Variants in TEX9 observed in about 807,000 individuals in gnomAD.
TEX9 encodes the protein testis-expressed protein 9.
TEX9 carries 74 observed loss-of-function variants against 59.6 expected under a neutral mutation model. That is an observed-to-expected ratio of 1.24 (90% confidence interval 1.03 to 1.51). The LOEUF (loss-of-function observed/expected upper bound fraction) is 1.51. Among genes scored for constraint, TEX9 ranks in the 40% most tolerant of loss-of-function variants. The pLI is 0.00. For synonymous variants in TEX9, 186 were observed against 152.2 expected (o/e 1.22, Z -1.64); for missense variants, 522 against 447.8 (o/e 1.17, Z -1.49).
At chr15:56,247,388 C>T (rs2043885288) in intron 1 of TEX9, among the ~76,000 whole-genome samples, 1 of 152,098 alleles carries the variant, frequency 6.6e-6, no homozygotes, top group Non-Finnish European at 1.5e-5. Context: ...AGGGATTGGT[C>T]TTGCTCAGGG....
At chr15:56,349,834 T>A (rs1480293631) in intron 1 of TEX9, among the ~76,000 whole-genome samples, 1 of 152,126 alleles carries the variant, frequency 6.6e-6, no homozygotes, top group African/African-American at 2.4e-5. Context: ...TGTCCAGATT[T>A]ATAGTTATCT....
intron 1 of TEX9, among the ~76,000 whole-genome samples, chr15:56,257,552 G>C (rs1233898321): frequency 6.6e-6 from 1 of 152,134 alleles, no homozygotes; most frequent in Non-Finnish European, 1.5e-5. Context: ...GTGATGTTGA[G>C]CTTTTTTTAT....
At chr15:56,280,678 A>G (rs2044794618) in intron 1 of TEX9, among the ~76,000 whole-genome samples, 1 of 152,230 alleles carries the variant, frequency 6.6e-6, no homozygotes. Context: ...AATCTCACAG[A>G]ATTGACTATA....
chr15:56,434,516 G>C, intron 12 of TEX9: 2 of 1,065,138 alleles, frequency 1.9e-6, no homozygotes, highest in Non-Finnish European at 2.6e-6. Context: ...AACTGAAAAA[G>C]TAAGGCTTTT....
At chr15:56,323,925 A>G (rs141286173) in intron 1 of TEX9, among the ~76,000 whole-genome samples, 23 of 152,228 alleles carry the variant, frequency 1.5e-4, no homozygotes, top group African/African-American at 5.5e-4. Context: ...TTGTTTTTAA[A>G]CTGTCCAGTG....
At chr15:56,305,261 A>G (rs755681653) in intron 1 of TEX9, among the ~76,000 whole-genome samples, 6 of 152,176 alleles carry the variant, frequency 3.9e-5, no homozygotes, top group Admixed American at 1.3e-4. Context: ...CATTCTTCAC[A>G]TAAATAAAAA....
intron 1 of TEX9, among the ~76,000 whole-genome samples, chr15:56,336,898 A>G (rs1390839034): frequency 2.6e-5 from 4 of 152,122 alleles, no homozygotes; most frequent in African/African-American, 9.7e-5. Flanking sequence ...GGCGATTCCC[A>G]GTAGAGGACT....
intron 1 of TEX9, among the ~76,000 whole-genome samples, chr15:56,351,049 C>T (rs1160946995): frequency 6.6e-6 from 1 of 152,092 alleles, no homozygotes; most frequent in African/African-American, 2.4e-5. Context: ...TGCCAAACCC[C>T]AGAAACTTAA....
chr15:56,309,700 T>TTTTTTG (rs2045563712), intron 1 of TEX9, among the ~76,000 whole-genome samples: 1 of 125,874 alleles, frequency 7.9e-6, no homozygotes, highest in Admixed American at 8.7e-5. Context: ...GAAGTTTTTT[T>TTTTTTG]TTTTTTTTTT....
chr15:56,381,891 T>TGAA (rs2047745485), intron 3 of TEX9, among the ~76,000 whole-genome samples: 1 of 152,192 alleles, frequency 6.6e-6, no homozygotes, highest in African/African-American at 2.4e-5. Context: ...GCCCTAGAGC[T>TGAA]CTACAATCAG....
rs144981994 is a variant in TEX9, at chr15:56,410,305, A to G, written c.829-1997A>G. ...TCGTGTTATTCCCAGAGCATTTACT[A>G]CATTTTGTCCTCTGCTGTGGCTGAT... On this transcript the variant is annotated intron_variant, in intron 9 of 12. Coordinates refer to ENST00000352903, the Ensembl canonical transcript of TEX9. The G allele has an allele frequency of 7.9e-5, 12 of 152,212 alleles. No individual in the cohort carries two copies. The East Asian group carries it at 2.1e-3, about 27-fold the overall frequency. The allele number at this position is 152,212 out of a possible 1,614,324, so 9.4% of individuals were successfully genotyped here. A position where few individuals can be genotyped will look rare whatever the true frequency, so the allele number is the denominator to read the frequency against.
At chr15:56,245,053 T>G (rs1228837630) in intron 1 of TEX9, among the ~76,000 whole-genome samples, 1 of 152,148 alleles carries the variant, frequency 6.6e-6, no homozygotes, top group Non-Finnish European at 1.5e-5. Context: ...TGATAGAGTG[T>G]CTATCAGGTT....
chr15:56,326,013 G>T (rs1248256305), intron 1 of TEX9, among the ~76,000 whole-genome samples: 1 of 152,144 alleles, frequency 6.6e-6, no homozygotes, highest in Non-Finnish European at 1.5e-5. Flanking sequence ...AGCACAAATG[G>T]TTCTTTGGTA....
chr15:56,291,628 C>A (rs530270218), intron 1 of TEX9, among the ~76,000 whole-genome samples: 9 of 152,288 alleles, frequency 5.9e-5, no homozygotes, highest in African/African-American at 2.2e-4. Context: ...AGATGTCCAG[C>A]AGATCTCTCT....
intron 9 of TEX9, among the ~76,000 whole-genome samples, chr15:56,403,130 G>A (rs1186040520): frequency 1.3e-5 from 2 of 152,192 alleles, no homozygotes; most frequent in African/African-American, 2.4e-5. Context: ...GGAAGTTCTG[G>A]CCAGGGCCAT....
At chr15:56,296,296 T>A (rs1305086667) in intron 1 of TEX9, among the ~76,000 whole-genome samples, 1 of 152,212 alleles carries the variant, frequency 6.6e-6, no homozygotes, top group Non-Finnish European at 1.5e-5. Context: ...GTGACATTCA[T>A]TCTAGTTTGT....
intron 9 of TEX9, among the ~76,000 whole-genome samples, chr15:56,402,493 T>G (rs1345117411): frequency 6.6e-6 from 1 of 152,036 alleles, no homozygotes; most frequent in East Asian, 1.9e-4. Flanking sequence ...AGGCAATAAT[T>G]AATAGCCTAC....
At chr15:56,380,658 A>G (rs1389022677) in intron 3 of TEX9, among the ~76,000 whole-genome samples, 1 of 152,076 alleles carries the variant, frequency 6.6e-6, no homozygotes, top group African/African-American at 2.4e-5. Context: ...ATTATCTTTC[A>G]TGTTTGAAGG....
At chr15:56,402,275 A>T (rs760650325) in intron 9 of TEX9, among the ~76,000 whole-genome samples, 54 of 152,208 alleles carry the variant, frequency 3.5e-4, no homozygotes, top group Non-Finnish European at 3.4e-4. Context: ...GAAGAATCAA[A>T]TAGACGCAAT....
Sources: allele counts gnomAD v4.1 joint callset (sites outside exome capture counted in the v4.1 genomes callset), GRCh38; gene constraint gnomAD v4.1.1; transcripts MANE v1.5; gene names NCBI Gene and HGNC (gene_info 2026-07-23, HGNC 2026-07-21).